The following ANO5 variants were observed in gnomAD, a reference collection of about 807,000 sequenced individuals.
ANO5 encodes the protein anoctamin-5.
In ANO5, 109 loss-of-function variants were observed where a neutral mutation model predicts 121.0. That is an observed-to-expected ratio of 0.90 (90% CI 0.77 to 1.06). The LOEUF (loss-of-function observed/expected upper bound fraction) is 1.06. ANO5 is among the 50% of genes least tolerant of loss of function. The pLI, the probability that ANO5 is intolerant of heterozygous loss-of-function variation, is 0.00. For missense variants in ANO5, 1,064 were observed against 1,078.5 expected, an observed-to-expected ratio of 0.99 and a Z score of 0.19; for synonymous variants, 406 against 359.9, an observed-to-expected ratio of 1.13 and a Z score of -1.45.
intron 9 of ANO5, among the ~76,000 whole-genome samples, 161 bp downstream of exon 9, chr11:22,239,845 TG>T (rs370777161): frequency 1.8e-3 from 277 of 152,226 alleles, no homozygotes; most frequent in Non-Finnish European, 3.5e-3. Flanking sequence ...AGGAGAATGT[TG>T]TTGCTAAACT....
rs1854120341 is a variant in ANO5 at position 22,259,555 on chromosome 11, G to T, written c.1444G>T (p.Val482Leu). 1.2e-6 allele frequency: 2 copies of T among 1,614,088 alleles called. No homozygotes were observed. Among genetic ancestry groups the T allele is most frequent in the Non-Finnish European group, 8.5e-7 (1 of 1,179,996 alleles). ...LVVTSMVAVIVYRLSVFATFA... is the reference protein window; with the variant it reads ...LVVTSMVAVILYRLSVFATFA... ...CGTCACCAGTATGGTAGCTGTAATT[G>T]TGTACCGCCTGTCAGTCTTTGCTAC... is the stretch of plus-strand genomic sequence containing the variant. Residue 482 changes from valine (V) to leucine (L), a missense_variant, in exon 15 of 22, where the codon GTG (valine) becomes TTG (leucine). Transcript: ENST00000324559.
chr11:22,192,641 G>T (rs1267464452), upstream of ANO5, among the ~76,000 whole-genome samples: 1 of 152,236 alleles, frequency 6.6e-6, no homozygotes, highest in Non-Finnish European at 1.5e-5. Context: ...TGGCACGCAT[G>T]AGCGGATCGA....
At chr11:22,215,290 G>T (rs373244461) in intron 3 of ANO5, among the ~76,000 whole-genome samples, 284 of 151,992 alleles carry the variant, frequency 1.9e-3, no homozygotes, top group Middle Eastern at 3.4e-3. Context: ...AGGAGTCTTT[G>T]AGTAAAATGA....
At chr11:22,238,539 T>C (rs1175686811) in intron 8 of ANO5, among the ~76,000 whole-genome samples, 1 of 152,058 alleles carries the variant, frequency 6.6e-6, no homozygotes, top group Non-Finnish European at 1.5e-5. Flanking sequence ...TGTTAGGCAC[T>C]GGATTTTCCC....
intron 3 of ANO5, 29 bp from the exon 4 acceptor site, chr11:22,218,217 G>A (rs759707856): frequency 6.2e-7 from 1 of 1,612,582 alleles, no homozygotes; most frequent in East Asian, 2.2e-5. Context: ...TGGGCAGGAA[G>A]TGCTAATTCT....
intron 2 of ANO5, among the ~76,000 whole-genome samples, chr11:22,205,029 G>T (rs1161178408): frequency 6.6e-6 from 1 of 152,104 alleles, no homozygotes; most frequent in African/African-American, 2.4e-5. Context: ...AAAATGACAA[G>T]ATCATGTCCT....
At position 22,276,211 on chromosome 11, in the gene ANO5, T is replaced by A. The variant is rs757192592; in HGVS notation, c.2520+12T>A. The A allele has an allele frequency of 6.3e-7, 1 of 1,582,132 alleles. No individual in the cohort carries two copies. On this transcript the variant is annotated intron_variant, in intron 21 of 21. Transcript: ENST00000324559. ...TCATTGTTATGGAAGTAAGCTGTTCTTAACTTTCATTCGAGTTACTCTCTT... is the reference window on the plus strand; with the variant it reads ...TCATTGTTATGGAAGTAAGCTGTTCATAACTTTCATTCGAGTTACTCTCTT...
intron 17 of ANO5, among the ~76,000 whole-genome samples, chr11:22,266,636 C>CT (rs1354527202): frequency 3.3e-5 from 5 of 152,002 alleles, no homozygotes; most frequent in Non-Finnish European, 7.4e-5. Context: ...TCTATGAATA[C>CT]TTTTAAACTT....
intron 3 of ANO5, among the ~76,000 whole-genome samples, chr11:22,215,659 G>A (rs1852417001): frequency 6.6e-6 from 1 of 151,796 alleles, no homozygotes; most frequent in Admixed American, 6.6e-5. Flanking sequence ...TCTTTTCGTT[G>A]CTCACATCAG....
At chr11:22,232,554 C>T (rs1386259848) in intron 7 of ANO5, among the ~76,000 whole-genome samples, 2 of 151,866 alleles carry the variant, frequency 1.3e-5, no homozygotes, top group African/African-American at 4.8e-5. Flanking sequence ...GAATAATGCT[C>T]TTAATATTCA....
At chr11:22,250,142 C>A in intron 9 of ANO5, 95 bp from the exon 10 acceptor site, 1 of 1,228,076 alleles carries the variant, frequency 8.1e-7, no homozygotes, top group East Asian at 2.5e-5. Context: ...GCAGTGGAGC[C>A]AAAATTAGAA....
chr11:22,271,311 G>A (rs1265932917), intron 18 of ANO5, among the ~76,000 whole-genome samples: 4 of 152,118 alleles, frequency 2.6e-5, no homozygotes, highest in Non-Finnish European at 4.4e-5. Context: ...GCCTCCCAAA[G>A]TGCTGGGATT....
intron 5 of ANO5, 63 bp downstream of exon 5, chr11:22,221,273 A>G: frequency 7.5e-7 from 1 of 1,324,928 alleles, no homozygotes; most frequent in Non-Finnish European, 1.1e-6. Flanking sequence ...TTTCACATGG[A>G]TATCTGGATT....
chr11:22,261,239 T>C (rs1590303241), intron 15 of ANO5: 1 of 152,384 alleles, frequency 6.6e-6, no homozygotes, highest in South Asian at 2.1e-4. Context: ...TTTAATTGAC[T>C]CGGTTCACAT....
Position 22,279,457 on chromosome 11 carries a change from T to TA in ANO5, c.2521-84dup. The TA allele has an allele frequency of 2.6e-6, 3 of 1,161,512 alleles. No homozygotes were observed. The East Asian group carries it at 7.1e-5, about 28-fold the overall frequency. The allele number at this position is 1,161,512 out of a possible 1,614,324, so 72.0% of individuals were successfully genotyped here. On this transcript the variant is annotated intron_variant, in intron 21 of 21. Coordinates refer to ENST00000324559, the MANE Select transcript of ANO5 (RefSeq NM_213599.3). Reference sequence around the variant, plus strand: ...CTACCTCATATGTTGAGCAGTTTCTTAAATAAGTGAAATGATTTGTAAAGA... The same window carrying TA: ...CTACCTCATATGTTGAGCAGTTTCTTAAAATAAGTGAAATGATTTGTAAAGA...
intron 1 of ANO5, among the ~76,000 whole-genome samples, chr11:22,202,368 G>C (rs180991895): frequency 6.6e-6 from 1 of 152,220 alleles, no homozygotes; most frequent in African/African-American, 2.4e-5. Context: ...AATTATTTAA[G>C]AGAATAACTG....
chr11:22,230,497 C>T (rs1390934937), intron 7 of ANO5, among the ~76,000 whole-genome samples: 1 of 151,944 alleles, frequency 6.6e-6, no homozygotes, highest in Non-Finnish European at 1.5e-5. Flanking sequence ...AACACAGTTG[C>T]TTTTTGATAG....
chr11:22,239,752 A>G, intron 9 of ANO5, 68 bp downstream of exon 9: 3 of 1,284,116 alleles, frequency 2.3e-6, no homozygotes, highest in Non-Finnish European at 2.3e-6. Flanking sequence ...CAATGGCATA[A>G]TATTTTTTTT....
chr11:22,267,524 A>ATATATATATATATATATATATATAT (rs141657651), intron 17 of ANO5, among the ~76,000 whole-genome samples: 2 of 144,646 alleles, frequency 1.4e-5, no homozygotes, highest in African/African-American at 5.6e-5. Context: ...ATATATATAT[A>ATATATATATATATATATATATATAT]AAATCTATCT....
Sources: allele counts gnomAD v4.1 joint callset (sites outside exome capture counted in the v4.1 genomes callset), GRCh38; gene constraint gnomAD v4.1.1; transcripts MANE v1.5; gene names NCBI Gene and HGNC (gene_info 2026-07-23, HGNC 2026-07-21).